ANKRD20A1: variants seen among roughly 807,000 people sequenced by gnomAD.
The protein encoded by ANKRD20A1 is ankyrin repeat domain 20 family member A1.
Under a neutral mutation model 50.9 loss-of-function variants are expected in ANKRD20A1, and 2 were observed. The observed-to-expected ratio is 0.04, with a 90% CI of 0.02 to 0.12. The LOEUF (loss-of-function observed/expected upper bound fraction) is 0.12, where lower values mean the gene tolerates loss of function less well. Ranked by LOEUF, ANKRD20A1 falls within the 10% of genes least tolerant of loss-of-function variation. The probability of loss-of-function intolerance (pLI) is 1.00; values close to 1 mark genes in which losing one functional copy is unlikely to be tolerated. For synonymous variants in ANKRD20A1, 10 were observed against 186.2 expected, an observed-to-expected ratio of 0.05 and a Z score of 7.70; for missense variants, 31 against 548.1, an observed-to-expected ratio of 0.06 and a Z score of 9.42.
intron 8 of ANKRD20A1, among the ~76,000 whole-genome samples, chr9:67,881,315 G>C (rs1459558889): frequency 6.9e-6 from 1 of 145,486 alleles, no homozygotes; most frequent in Non-Finnish European, 1.5e-5. Flanking sequence ...AGGAATTTTT[G>C]TGTGGTTTAT....
rs1827996775 is a variant in ANKRD20A1, at chr9:67,895,851, T to C, written c.1153-1708T>C. On this transcript the variant is annotated intron_variant, in intron 12 of 14. Transcript: ENST00000562196. ...CTGCTTCTTTTTCCTCTTTATCAAT[T>C]ATTTGATTTAGTCAAATTTTCTGTT... is the stretch of plus-strand genomic sequence containing the variant. Among the ~76,000 whole-genome samples the C allele has an allele frequency of 2.2e-5, 2 of 88,932 alleles. 1 individual carries two copies. The highest frequency in any genetic ancestry group is 6.7e-5 in the African/African-American group (2 of 29,686). The allele number at this position is 88,932 out of a possible 152,430, so 58.3% of individuals were successfully genotyped here. A position where few individuals can be genotyped will look rare whatever the true frequency, so the allele number is the denominator to read the frequency against.
intron 11 of ANKRD20A1, among the ~76,000 whole-genome samples, chr9:67,888,763 T>C: frequency 6.7e-6 from 1 of 150,038 alleles, no homozygotes; most frequent in African/African-American, 2.4e-5. Context: ...GAGCCCTTGA[T>C]GGGAAAATGA....
chr9:67,866,394 TA>T (rs1401510595), intron 3 of ANKRD20A1, among the ~76,000 whole-genome samples: 1 of 151,242 alleles, frequency 6.6e-6, no homozygotes, highest in African/African-American at 2.4e-5. Flanking sequence ...CTGAGCTTTC[TA>T]ACAGTAAAGA....
rs28404657 is a variant in ANKRD20A1 at position 67,899,069 on chromosome 9, A to G, written c.1317-78A>G. ...AAATTTTATTAGGATAATAAACAAC[A>G]TCTGCAGAGGTAGGTAACAGGATGA... On this transcript the variant is annotated intron_variant, in intron 13 of 14. Transcript: ENST00000562196. 4.4e-6 allele frequency: 3 copies of G among 685,054 alleles called. 1 individual carries two copies. Among genetic ancestry groups the G allele is most frequent in the Non-Finnish European group, 1.9e-6 (1 of 520,354 alleles). The allele number at this position is 685,054 out of a possible 1,614,324, so 42.4% of individuals were successfully genotyped here. A position where few individuals can be genotyped will look rare whatever the true frequency, so the allele number is the denominator to read the frequency against.
chr9:67,878,819 G>T (rs1171854082), intron 7 of ANKRD20A1, among the ~76,000 whole-genome samples: 1 of 80,910 alleles, frequency 1.2e-5, no homozygotes, highest in African/African-American at 3.3e-5. Context: ...TCCTATTGGC[G>T]TGTGTTTTAA....
chr9:67,881,325 T>C (rs1827791001), intron 8 of ANKRD20A1, among the ~76,000 whole-genome samples: 1 of 146,174 alleles, frequency 6.8e-6, no homozygotes, highest in Non-Finnish European at 1.5e-5. Context: ...GTGTGGTTTA[T>C]GAGTTGTCCA....
rs997853425 is a variant in ANKRD20A1 at position 67,867,980 on chromosome 9, G to A, written c.600-449G>A. ...CAAGTTTTATTCATTTTTAAAGTGC[G>A]GACTTTTAGTTTATGACTACTAGCA... On this transcript the variant is annotated intron_variant, in intron 4 of 14. Coordinates refer to ENST00000562196, the MANE Select transcript of ANKRD20A1 (RefSeq NM_032250.5). 1.6e-4 allele frequency among the ~76,000 whole-genome samples: 17 copies of A among 104,442 alleles called. 2 individuals carry two copies. The highest frequency in any genetic ancestry group is 2.7e-4 in the Non-Finnish European group (13 of 47,398). 68.5% of individuals were successfully genotyped at this position (104,442 alleles called of 152,430 possible). A position where few individuals can be genotyped will look rare whatever the true frequency, so the allele number is the denominator to read the frequency against.
At chr9:67,885,601 G>C (rs1263270708) in intron 9 of ANKRD20A1, among the ~76,000 whole-genome samples, 8 of 152,308 alleles carry the variant, frequency 5.3e-5, no homozygotes, top group African/African-American at 1.9e-4. Flanking sequence ...AAGTTCATTA[G>C]AAACATTATG....
chr9:67,871,611 G>A (rs201173572), intron 6 of ANKRD20A1, among the ~76,000 whole-genome samples: 7 of 136,752 alleles, frequency 5.1e-5, no homozygotes, highest in Admixed American at 1.4e-4. Flanking sequence ...ATGGATCTTC[G>A]ATTTCATTTT....
At chr9:67,884,222 G>T (rs1267540281) in intron 8 of ANKRD20A1, among the ~76,000 whole-genome samples, 1 of 147,964 alleles carries the variant, frequency 6.8e-6, no homozygotes, top group Non-Finnish European at 1.5e-5. Context: ...AGTATAATGA[G>T]GCCTTGTCTC....
chr9:67,864,673 A>AG (rs1827530552), intron 3 of ANKRD20A1, among the ~76,000 whole-genome samples: 1 of 46,462 alleles, frequency 2.2e-5, no homozygotes, highest in Admixed American at 1.7e-4. Context: ...AAAAAAAAAA[A>AG]AACCCCAAAA....
chr9:67,861,314 T>C (rs1827498277), intron 1 of ANKRD20A1, among the ~76,000 whole-genome samples: 1 of 48,484 alleles, frequency 2.1e-5, no homozygotes. Flanking sequence ...ATTATGTACA[T>C]ATGTTTTGCT....
intron 12 of ANKRD20A1, among the ~76,000 whole-genome samples, chr9:67,894,579 T>G (rs1827989678): frequency 9.9e-6 from 1 of 100,566 alleles, no homozygotes; most frequent in Non-Finnish European, 2.3e-5. Context: ...TATTTTTCAC[T>G]TTTTAGTTAC....
At chr9:67,885,640 C>T (rs1827869968) in intron 9 of ANKRD20A1, among the ~76,000 whole-genome samples, 1 of 152,300 alleles carries the variant, frequency 6.6e-6, no homozygotes, top group East Asian at 1.9e-4. Flanking sequence ...AATTGAGGGA[C>T]ATAATAGGGA....
At chr9:67,865,716 T>G (rs199756266) in intron 3 of ANKRD20A1, among the ~76,000 whole-genome samples, 4,933 of 101,668 alleles carry the variant, frequency 0.049, 183 homozygotes, top group East Asian at 0.095. Flanking sequence ...TGCCCCTTTA[T>G]AGAAGGCAGG....
In ANKRD20A1 at chr9:67,891,021, C is replaced by T. The variant is rs1375859841; in HGVS notation, c.1082-2415C>T. Among the ~76,000 whole-genome samples, 3 of 85,186 alleles carry T rather than the reference C, an allele frequency of 3.5e-5. 1 individual carries two copies. Among genetic ancestry groups the T allele is most frequent in the African/African-American group, 1.2e-4 (3 of 26,028 alleles). 55.9% of individuals were successfully genotyped at this position (85,186 alleles called of 152,430 possible). On this transcript the variant is annotated intron_variant, in intron 11 of 14. Transcript: ENST00000562196. Reference sequence around the variant, plus strand: ...AACAAAATCCCCATATGTGGCTGGGCGCGGTGGCTCGTGCCTGTAATCCCA... The same window carrying T: ...AACAAAATCCCCATATGTGGCTGGGTGCGGTGGCTCGTGCCTGTAATCCCA...
chr9:67,875,869 TTTTG>T (rs1278152395), intron 6 of ANKRD20A1, among the ~76,000 whole-genome samples: 193 of 100,240 alleles, frequency 1.9e-3, no homozygotes, highest in African/African-American at 6.0e-3. Flanking sequence ...TTCTTTGTCC[TTTTG>T]TTTTTCTTTT....
At chr9:67,884,183 G>T (rs1243271004) in intron 8 of ANKRD20A1, among the ~76,000 whole-genome samples, 447 of 140,564 alleles carry the variant, frequency 3.2e-3, no homozygotes, top group African/African-American at 0.01. Flanking sequence ...AGATTTACTT[G>T]AGCCCAGGAG....
At chr9:67,882,917 C>G (rs1261067896) in intron 8 of ANKRD20A1, among the ~76,000 whole-genome samples, 1 of 151,086 alleles carries the variant, frequency 6.6e-6, no homozygotes, top group Non-Finnish European at 1.5e-5. Context: ...ATAGTTTGCT[C>G]AGAACGATGG....
Sources: allele counts gnomAD v4.1 joint callset (sites outside exome capture counted in the v4.1 genomes callset), GRCh38; gene constraint gnomAD v4.1.1; transcripts MANE v1.5; gene names NCBI Gene and HGNC (gene_info 2026-07-23, HGNC 2026-07-21).